The following TCIRG1 variants were observed in gnomAD, a reference collection of about 807,000 sequenced individuals.
TCIRG1 encodes the protein T cell immune regulator 1, ATPase H+ transporting V0 subunit a3, also known as V-type proton ATPase 116 kDa subunit a 3.
In TCIRG1, 86 loss-of-function variants were observed where a neutral mutation model predicts 95.5. The observed-to-expected ratio is 0.90, with a 90% CI of 0.76 to 1.08. The LOEUF (loss-of-function observed/expected upper bound fraction) is 1.08. TCIRG1 is among the 50% of genes least tolerant of loss of function. The probability of loss-of-function intolerance (pLI) is 0.00; values close to 1 mark genes in which losing one functional copy is unlikely to be tolerated. For synonymous variants in TCIRG1, 499 were observed against 501.3 expected (o/e 1.00, Z 0.06); for missense variants, 1,069 against 1,140.2 (o/e 0.94, Z 0.90).
rs1187316635 is a variant in TCIRG1, at chr11:68,049,390, C to G, written c.1887+96C>G. ...AGCTGCAAGATCCTCGTCCGAGAAA[C>G]GGGGATGCAGGCCCCGGGCCGTGCA... On this transcript the variant is annotated intron_variant, in intron 15 of 19. Coordinates refer to ENST00000265686, the MANE Select transcript of TCIRG1 (RefSeq NM_006019.4). The G allele has an allele frequency of 3.7e-6, 5 of 1,338,088 alleles. No homozygotes were observed. The Admixed American group carries it at 8.6e-5, about 23-fold the overall frequency. The allele number at this position is 1,338,088 out of a possible 1,614,324, so 82.9% of individuals were successfully genotyped here.
At chr11:68,053,234 A>C (rs1855865542), downstream of TCIRG1, 1 of 152,432 alleles carries the variant, frequency 6.6e-6, no homozygotes, top group Middle Eastern at 3.4e-3. Flanking sequence ...GGGAGCCGGG[A>C]GACAGGGAGG....
At chr11:68,043,141 T>C (rs541001192) in intron 5 of TCIRG1, 110 bp downstream of exon 5, 63 of 1,532,504 alleles carry the variant, frequency 4.1e-5, no homozygotes, top group South Asian at 1.2e-5. Context: ...CTCCCCAGGC[T>C]GGCCCCGCCT....
chr11:68,050,025 G>A lies in TCIRG1; in HGVS notation c.2077G>A (p.Glu693Lys). Residue 693 changes from glutamate (E) to lysine (K), a missense_variant, in exon 17 of 20, where the codon GAG becomes AAG. Coordinates refer to ENST00000265686, the MANE Select transcript of TCIRG1 (RefSeq NM_006019.4). ...ATCTGTGAATGGCTGGAGCTCCGAT[G>A]AGGAAAAGGCAGGGGGCCTGGATGA... ...DASVNGWSSD[E>K]EKAGGLDDEE... The A allele has an allele frequency of 6.2e-7, 1 of 1,613,412 alleles. No individual in the cohort carries two copies.
In TCIRG1 at chr11:68,041,392, A is replaced by T. The variant is rs751881962; in HGVS notation, c.117+4A>T. The T allele has an allele frequency of 3.5e-5, 56 of 1,603,244 alleles. No homozygotes were observed. The highest frequency in any genetic ancestry group is 1.0e-5 in the Non-Finnish European group (12 of 1,171,752). ...GGGCCTCGTGGAGTTCAGAGACGTG[A>T]GTTGGGTGGGCAGGCGTGGGAAGGG... On this transcript the variant is annotated splice_donor_region_variant and intron_variant, in intron 2 of 19. Coordinates refer to ENST00000265686, the MANE Select transcript of TCIRG1 (RefSeq NM_006019.4).
chr11:68,044,284 C>T lies in TCIRG1; in HGVS notation c.960C>T (p.Ala320=), dbSNP rs752404422. Residue 320 remains alanine (A), a synonymous_variant, in exon 9 of 20, where the codon GCC becomes GCT. Transcript: ENST00000265686. ...GCACCACGCACAAGTGCCTCATTGCCGAGGCCTGGTGCTCTGTGCGAGACC... is the reference window on the plus strand; with the variant it reads ...GCACCACGCACAAGTGCCTCATTGCTGAGGCCTGGTGCTCTGTGCGAGACC... The part of the protein sequence containing the change: ...SVSTTHKCLI[A]EAWCSVRDLP... 2.8e-5 allele frequency: 45 copies of T among 1,604,950 alleles called. No homozygotes were observed. Among genetic ancestry groups the T allele is most frequent in the African/African-American group, 5.3e-5 (4 of 74,838 alleles).
chr11:68,047,020 T>TG (rs1251213408), intron 10 of TCIRG1: 2 of 415,250 alleles, frequency 4.8e-6, no homozygotes, highest in Non-Finnish European at 9.3e-6. Flanking sequence ...TTTTTTTTTT[T>TG]TTTTTCGGAG....
downstream of TCIRG1, among the ~76,000 whole-genome samples, chr11:68,052,614 A>G (rs1048083840): frequency 6.6e-6 from 1 of 152,182 alleles, no homozygotes; most frequent in Admixed American, 6.5e-5. Context: ...CCAGTCTCCA[A>G]CGTCCTCCAG....
At position 68,041,738 on chromosome 11, in the gene TCIRG1, G is replaced by T. The variant is rs762065407; in HGVS notation, c.118-15G>T. Reference sequence around the variant, plus strand: ...CCCTTCCCGGGACACTCACCCCTCCGTGTGGCACCCACAGCTCAACGCCTC... The same window carrying T: ...CCCTTCCCGGGACACTCACCCCTCCTTGTGGCACCCACAGCTCAACGCCTC... On this transcript the variant is annotated splice_polypyrimidine_tract_variant and intron_variant, in intron 2 of 19. Coordinates refer to ENST00000265686, the MANE Select transcript of TCIRG1 (RefSeq NM_006019.4). The T allele has an allele frequency of 1.2e-5, 19 of 1,603,688 alleles. No individual in the cohort carries two copies. The highest frequency in any genetic ancestry group is 5.4e-5 in the African/African-American group (4 of 74,716).
chr11:68,043,775 T>C (rs1310945195), intron 7 of TCIRG1, 39 bp from the exon 8 acceptor site: 1 of 1,548,736 alleles, frequency 6.5e-7, no homozygotes, highest in East Asian at 2.4e-5. Flanking sequence ...CTCGTAGCTG[T>C]GTCCTTCTGG....
chr11:68,043,603 C>A lies in TCIRG1; in HGVS notation c.663C>A (p.Ile221=). 1 of 1,611,458 alleles carries A rather than the reference C, an allele frequency of 6.2e-7. No individual in the cohort carries two copies. The highest frequency in any genetic ancestry group is 8.5e-7 in the Non-Finnish European group (1 of 1,179,360). ...CAGCCACGTGGATGACCTTCCTCAT[C>A]TCCTACTGGGGTGAGCAGATCGGAC... ...GEPATWMTFL[I]SYWGEQIGQK... is the part of the protein sequence containing the mutation. Residue 221 remains isoleucine (I), a synonymous_variant, in exon 7 of 20, where the codon ATC becomes ATA. Transcript: ENST00000265686.
downstream of TCIRG1, chr11:68,051,007 CAAT>C (rs1472876898): frequency 1.5e-6 from 1 of 668,762 alleles, no homozygotes; most frequent in Non-Finnish European, 2.6e-6. Flanking sequence ...AGCAGATCTG[CAAT>C]AATGTCAGAC....
Position 68,050,201 on chromosome 11 carries a change from T to C in TCIRG1, c.2183T>C (p.Val728Ala), listed in dbSNP as rs766150062. 1 of 1,613,468 alleles carries C rather than the reference T, an allele frequency of 6.2e-7. No homozygotes were observed. Among genetic ancestry groups the C allele is most frequent in the African/African-American group, 1.3e-5 (1 of 74,904 alleles). Residue 728 changes from valine to alanine, a missense_variant, in exon 18 of 20, where the codon GTC becomes GCC. Coordinates refer to ENST00000265686, the MANE Select transcript of TCIRG1 (RefSeq NM_006019.4). ...ACCATCGAGTTCTGCCTGGGCTGCG[T>C]CTCCAACACCGCCTCCTACCTGCGC... ...IHTIEFCLGCVSNTASYLRLW... is the reference protein window; with the variant it reads ...IHTIEFCLGCASNTASYLRLW...
At chr11:68,051,874 GT>G (rs934500740), downstream of TCIRG1, among the ~76,000 whole-genome samples, 48 of 152,318 alleles carry the variant, frequency 3.2e-4, no homozygotes, top group African/African-American at 1.2e-3. Context: ...GTGGGGATAG[GT>G]GAGCAGCACT....
At position 68,041,769 on chromosome 11, in the gene TCIRG1, G is replaced by C. The variant is rs1855180667; in HGVS notation, c.134G>C (p.Ser45Thr). 6.2e-7 allele frequency: 1 copy of C among 1,609,774 alleles called. No homozygotes were observed. The highest frequency in any genetic ancestry group is 1.1e-5 in the South Asian group (1 of 90,134). ...CACCCACAGCTCAACGCCTCGGTGA[G>C]CGCCTTCCAGAGACGCTTTGTGGTT... The part of the protein sequence containing the change: ...VEFRDLNASV[S>T]AFQRRFVVDV... Residue 45 changes from serine to threonine, a missense_variant, in exon 3 of 20, where the codon AGC (serine) becomes ACC (threonine). Transcript: ENST00000265686.
rs1435240633 is a variant in TCIRG1, at chr11:68,047,953, AC to A, written c.1539del (p.Phe514LeufsTer14). ...GTCACCGGTGTCTTCCTGGGACCCT[AC>A]CCCTTTGGCATCGATCCTGTGAGTC... is the stretch of plus-strand genomic sequence containing the variant. ...PNVTGVFLGP[Y>X]PFGIDPIWSL... is the part of the protein sequence containing the mutation. On this transcript the variant is annotated frameshift_variant, in exon 13 of 20. Transcript: ENST00000265686. LOFTEE classifies it high-confidence loss of function. The A allele has an allele frequency of 1.9e-6, 3 of 1,613,452 alleles. No individual in the cohort carries two copies. The highest frequency in any genetic ancestry group is 2.2e-5 in the East Asian group (1 of 44,860).
Position 68,049,076 on chromosome 11 carries a change from G to A in TCIRG1, c.1674-5G>A, listed in dbSNP as rs752610694. 91 of 1,613,086 alleles carry A rather than the reference G, an allele frequency of 5.6e-5. No individual in the cohort carries two copies. The Admixed American group carries it at 1.0e-3, about 18-fold the overall frequency. On this transcript the variant is annotated splice_region_variant and splice_polypyrimidine_tract_variant and intron_variant, in intron 14 of 19. Coordinates refer to ENST00000265686, the MANE Select transcript of TCIRG1 (RefSeq NM_006019.4). ...CAGTGAGCACACCTCCCTCTTGCCC[G>A]CCAGGCACTTTGGCCAGAGGCACCG...
intron 15 of TCIRG1, 169 bp downstream of exon 15, chr11:68,049,463 A>G: frequency 1.0e-6 from 1 of 990,624 alleles, no homozygotes; most frequent in East Asian, 2.6e-5. Context: ...AGGTGGCACA[A>G]CTGGCACTGG....
rs184302972 is a variant in TCIRG1 at position 68,046,790 on chromosome 11, C to T, written c.1166-643C>T. ...ACTTGCCATGTGCCAGCTGGGGCTG[C>T]CTGTGGCTCCCTGTCCTCTCTGGCT... On this transcript the variant is annotated intron_variant, in intron 10 of 19. Transcript: ENST00000265686. The T allele has an allele frequency of 5.6e-4, 251 of 446,224 alleles. 1 individual carries two copies. The highest frequency in any genetic ancestry group is 4.6e-3 in the African/African-American group (230 of 49,708). 27.6% of individuals were successfully genotyped at this position (446,224 alleles called of 1,614,324 possible). A position where few individuals can be genotyped will look rare whatever the true frequency, so the allele number is the denominator to read the frequency against.
chr11:68,043,546 AGAGTCAGCTGAGCCTGCTCTGCAGGGC>A lies in TCIRG1; in HGVS notation c.631-21_636del. The A allele has an allele frequency of 6.3e-7, 1 of 1,599,200 alleles. No homozygotes were observed. Among genetic ancestry groups the A allele is most frequent in the Non-Finnish European group, 8.5e-7 (1 of 1,173,478 alleles). ...GGGGTCCTGGGCAGAGCGGGACCCCAGAGTCAGCTGAGCCTGCTCTGCAGGGCGAGCCAGCCACGTGGATGACCTTCC... is the reference window on the plus strand; with the variant it reads ...GGGGTCCTGGGCAGAGCGGGACCCCAGAGCCAGCCACGTGGATGACCTTCC... On this transcript the variant is annotated splice_acceptor_variant and splice_polypyrimidine_tract_variant and coding_sequence_variant and intron_variant, in exon 7 of 20. Transcript: ENST00000265686. LOFTEE classifies it high-confidence loss of function.
Sources: gnomAD v4.1 joint callset for allele counts (sites outside exome capture counted in the v4.1 genomes callset) on GRCh38, gnomAD v4.1.1 for gene constraint, MANE v1.5 for transcripts, NCBI Gene and HGNC (gene_info 2026-07-23, HGNC 2026-07-21) for gene names.